Variants in ACVR2A observed in about 807,000 individuals in gnomAD.
The protein encoded by ACVR2A is activin receptor type-2A.
In ACVR2A, 7 loss-of-function variants were observed where a neutral mutation model predicts 61.4. The ratio of observed to expected loss-of-function variants is 0.11; its 90% CI spans 0.06 to 0.21. The LOEUF is 0.21. Ranked by LOEUF, ACVR2A falls within the 10% of genes least tolerant of loss-of-function variation. ACVR2A has a pLI of 1.00. For synonymous variants in ACVR2A, 193 were observed against 208.3 expected (o/e 0.93, Z 0.63); for missense variants, 322 against 621.7 (o/e 0.52, Z 5.13).
chr2:147,892,057 C>T (rs771564863), intron 1 of ACVR2A, among the ~76,000 whole-genome samples: 1 of 151,794 alleles, frequency 6.6e-6, no homozygotes, highest in African/African-American at 2.4e-5. Context: ...CTGCAACCTC[C>T]ACCTCCTGGG....
At chr2:147,846,684 A>G (rs1468133993) in intron 1 of ACVR2A, among the ~76,000 whole-genome samples, 1 of 152,186 alleles carries the variant, frequency 6.6e-6, no homozygotes, top group African/African-American at 2.4e-5. Flanking sequence ...AAGCTAAACA[A>G]TGGTGTGTCT....
At chr2:147,879,660 A>G (rs2105168616) in intron 1 of ACVR2A, among the ~76,000 whole-genome samples, 1 of 152,348 alleles carries the variant, frequency 6.6e-6, no homozygotes, top group African/African-American at 2.4e-5. Flanking sequence ...AACTGTGGAA[A>G]GGCCTGTAAG....
intron 1 of ACVR2A, among the ~76,000 whole-genome samples, chr2:147,869,957 G>A (rs1685967844): frequency 6.6e-6 from 1 of 151,894 alleles, no homozygotes; most frequent in Non-Finnish European, 1.5e-5. Flanking sequence ...GGTTGGGAGG[G>A]TCAATTATTG....
In ACVR2A at chr2:147,896,762, T is replaced by C. The variant is rs911597162; in HGVS notation, c.263+254T>C. On this transcript the variant is annotated intron_variant, in intron 2 of 10. Transcript: ENST00000241416. ...AGTGAGAACTCTGAAATAAAAACCA[T>C]TTTCCCCAATATTGTTACGATTATA... 1.2e-5 allele frequency: 4 copies of C among 336,666 alleles called. No individual in the cohort carries two copies. In the Admixed American group the frequency reaches 1.7e-4, roughly 14 times the overall value. The allele number at this position is 336,666 out of a possible 1,614,324, so 20.9% of individuals were successfully genotyped here. A position where few individuals can be genotyped will look rare whatever the true frequency, so the allele number is the denominator to read the frequency against.
At chr2:147,847,512 A>T (rs1021103875) in intron 1 of ACVR2A, among the ~76,000 whole-genome samples, 6 of 152,062 alleles carry the variant, frequency 3.9e-5, no homozygotes, top group South Asian at 2.1e-4. Context: ...GATTTTTTTT[A>T]AAAATCAAAA....
At chr2:147,886,723 T>C (rs992331208) in intron 1 of ACVR2A, among the ~76,000 whole-genome samples, 9 of 152,168 alleles carry the variant, frequency 5.9e-5, no homozygotes, top group Non-Finnish European at 5.9e-5. Flanking sequence ...AAGTACTGTT[T>C]GTGTTAAGAA....
intron 1 of ACVR2A, among the ~76,000 whole-genome samples, chr2:147,868,532 G>C (rs1369074366): frequency 1.3e-5 from 2 of 152,012 alleles, no homozygotes; most frequent in African/African-American, 4.8e-5. Context: ...GAAAGGTTCT[G>C]TATTTTCTGG....
At chr2:147,895,498 C>A (rs919266852) in intron 1 of ACVR2A, among the ~76,000 whole-genome samples, 3 of 152,050 alleles carry the variant, frequency 2.0e-5, no homozygotes, top group African/African-American at 7.3e-5. Flanking sequence ...ACCTTGGGAC[C>A]CATACAAAGT....
At chr2:147,844,828 A>T (rs1685257569), upstream of ACVR2A, 1 of 221,488 alleles carries the variant, frequency 4.5e-6, no homozygotes, top group Non-Finnish European at 8.6e-6. Context: ...GGGAGAGGCG[A>T]GCGGAGCTGA....
chr2:147,905,513 TG>T (rs1686967961), intron 4 of ACVR2A, among the ~76,000 whole-genome samples: 1 of 151,982 alleles, frequency 6.6e-6, no homozygotes, highest in Non-Finnish European at 1.5e-5. Flanking sequence ...TTAGTATGTT[TG>T]AAATATGACA....
In ACVR2A at chr2:147,855,774, G is replaced by A. The variant is rs569124523; in HGVS notation, c.55+10567G>A. Among the ~76,000 whole-genome samples, 23 of 151,670 alleles carry A rather than the reference G, an allele frequency of 1.5e-4. No homozygotes were observed. The East Asian group carries it at 3.7e-3, about 24-fold the overall frequency. On this transcript the variant is annotated intron_variant, in intron 1 of 10. Transcript: ENST00000241416. ...TCTCAGAAAAAAGAAATAATGAAAC[G>A]CAGACTAGAGGTTATTGAATTTTTG...
At chr2:147,914,786 T>C (rs781504591) in intron 4 of ACVR2A, among the ~76,000 whole-genome samples, 2 of 151,992 alleles carry the variant, frequency 1.3e-5, no homozygotes, top group African/African-American at 2.4e-5. Flanking sequence ...TTTGCTGATA[T>C]ATAGTCATAA....
At chr2:147,891,327 T>C (rs1686577198) in intron 1 of ACVR2A, among the ~76,000 whole-genome samples, 2 of 152,120 alleles carry the variant, frequency 1.3e-5, no homozygotes, top group African/African-American at 4.8e-5. Context: ...AGTTGCATAG[T>C]GGTTTTTAAC....
intron 4 of ACVR2A, among the ~76,000 whole-genome samples, chr2:147,906,005 G>C (rs1357152646): frequency 6.6e-6 from 1 of 151,968 alleles, no homozygotes; most frequent in Non-Finnish European, 1.5e-5. Context: ...GCTTGTACAG[G>C]GTCTCGTCTG....
At chr2:147,903,543 G>A (rs1686920025) in intron 4 of ACVR2A, among the ~76,000 whole-genome samples, 1 of 151,778 alleles carries the variant, frequency 6.6e-6, no homozygotes, top group South Asian at 2.1e-4. Context: ...TGTTACTTAT[G>A]TGCTTAAAAT....
At chr2:147,875,823 A>G (rs1257225265) in intron 1 of ACVR2A, among the ~76,000 whole-genome samples, 5 of 152,150 alleles carry the variant, frequency 3.3e-5, no homozygotes, top group Non-Finnish European at 4.4e-5. Flanking sequence ...CAAACCTACC[A>G]TCCACAGGTT....
At position 147,927,978 on chromosome 2, in the gene ACVR2A, A is replaced by AG. The variant is rs1687544900; in HGVS notation, c.*705dup. ...TGTGTTATTTAAGGAAAAAAAGGTAAGCTATGCTTAGTGCCAACAATAAGT... is the reference window on the plus strand; with the variant it reads ...TGTGTTATTTAAGGAAAAAAAGGTAAGGCTATGCTTAGTGCCAACAATAAGT... On this transcript the variant is annotated 3_prime_UTR_variant, in exon 11 of 11. Transcript: ENST00000241416. The AG allele has an allele frequency of 6.6e-6, 1 of 152,400 alleles. No homozygotes were observed. Among genetic ancestry groups the AG allele is most frequent in the South Asian group, 2.1e-4 (1 of 4,826 alleles). 9.4% of individuals were successfully genotyped at this position (152,400 alleles called of 1,614,324 possible).
At chr2:147,872,354 C>A (rs185875009) in intron 1 of ACVR2A, among the ~76,000 whole-genome samples, 3 of 151,738 alleles carry the variant, frequency 2.0e-5, no homozygotes, top group Non-Finnish European at 4.4e-5. Context: ...GATAGCTTAC[C>A]TTATGTTGTG....
At chr2:147,904,059 A>G (rs926724855) in intron 4 of ACVR2A, among the ~76,000 whole-genome samples, 2 of 151,964 alleles carry the variant, frequency 1.3e-5, no homozygotes, top group Non-Finnish European at 2.9e-5. Context: ...AAGTTGAAGT[A>G]TTTCAGGCAT....
Sources: gnomAD v4.1 joint callset for allele counts (sites outside exome capture counted in the v4.1 genomes callset) on GRCh38, gnomAD v4.1.1 for gene constraint, MANE v1.5 for transcripts, NCBI Gene and HGNC (gene_info 2026-07-23, HGNC 2026-07-21) for gene names.